Variants in UXS1 observed in about 807,000 individuals in gnomAD.
UXS1 encodes the protein UDP-glucuronate decarboxylase 1.
UXS1 carries 33 observed loss-of-function variants against 62.6 expected under a neutral mutation model. That is an observed-to-expected ratio of 0.53 (90% CI 0.40 to 0.70). UXS1 has a LOEUF of 0.70. Among genes scored for constraint, UXS1 ranks in the 30% least tolerant of loss-of-function variants. The pLI is 0.00. For synonymous variants in UXS1, 213 were observed against 206.8 expected, an observed-to-expected ratio of 1.03 and a Z score of -0.26; for missense variants, 434 against 556.3, an observed-to-expected ratio of 0.78 and a Z score of 2.21.
At chr2:106,177,341 G>A (rs1683952726) in intron 1 of UXS1, among the ~76,000 whole-genome samples, 1 of 151,722 alleles carries the variant, frequency 6.6e-6, no homozygotes, top group African/African-American at 2.4e-5. Context: ...GATTACAGTT[G>A]CGTGCTACCA....
chr2:106,111,552 G>A (rs962247108), intron 10 of UXS1, among the ~76,000 whole-genome samples: 37 of 152,174 alleles, frequency 2.4e-4, no homozygotes, highest in African/African-American at 8.9e-4. Flanking sequence ...CATGAAGAGC[G>A]GGGGCTCTGG....
chr2:106,159,667 G>A (rs572732389), intron 4 of UXS1, among the ~76,000 whole-genome samples: 5 of 152,300 alleles, frequency 3.3e-5, no homozygotes, highest in Admixed American at 2.0e-4. Flanking sequence ...TAATTGGAAA[G>A]GTGTTGTGCC....
At chr2:106,189,666 T>C (rs1381046888) in intron 1 of UXS1, among the ~76,000 whole-genome samples, 1 of 152,154 alleles carries the variant, frequency 6.6e-6, no homozygotes, top group Non-Finnish European at 1.5e-5. Context: ...TGGCGAGCAC[T>C]GACAACTAGA....
chr2:106,170,119 A>G (rs1683459092), intron 1 of UXS1, among the ~76,000 whole-genome samples: 1 of 151,480 alleles, frequency 6.6e-6, no homozygotes, highest in Non-Finnish European at 1.5e-5. Context: ...CCCCACTCAG[A>G]CCTCCACGCT....
intron 9 of UXS1, among the ~76,000 whole-genome samples, chr2:106,115,545 G>A (rs1232618579): frequency 2.0e-5 from 3 of 152,202 alleles, no homozygotes; most frequent in African/African-American, 7.2e-5. Context: ...GCATCAGGAA[G>A]GTCAAGACAA....
At chr2:106,179,855 C>A (rs1178710122) in intron 1 of UXS1, among the ~76,000 whole-genome samples, 2 of 152,178 alleles carry the variant, frequency 1.3e-5, no homozygotes, top group African/African-American at 4.8e-5. Context: ...TGCCTGTAAT[C>A]CCAGCACTTT....
chr2:106,169,239 AG>A (rs1683392981), intron 1 of UXS1, among the ~76,000 whole-genome samples: 1 of 152,206 alleles, frequency 6.6e-6, no homozygotes, highest in Non-Finnish European at 1.5e-5. Context: ...TTTTGGCTAC[AG>A]GATTAAGCTG....
At chr2:106,145,693 C>A (rs575985007) in intron 5 of UXS1, among the ~76,000 whole-genome samples, 167 of 152,212 alleles carry the variant, frequency 1.1e-3, no homozygotes, top group Non-Finnish European at 2.0e-3. Flanking sequence ...TGTTTTATAA[C>A]AAATGGGATG....
intron 6 of UXS1, among the ~76,000 whole-genome samples, chr2:106,141,123 T>A (rs1681062369): frequency 6.6e-6 from 1 of 152,192 alleles, no homozygotes; most frequent in South Asian, 2.1e-4. Flanking sequence ...GAAGACGACT[T>A]GCTAACAAGT....
intron 7 of UXS1, among the ~76,000 whole-genome samples, chr2:106,127,991 A>G (rs1209899721): frequency 1.3e-5 from 2 of 152,154 alleles, no homozygotes; most frequent in Non-Finnish European, 1.5e-5. Flanking sequence ...CCCATAGGGC[A>G]CCAAGTGCAG....
intron 1 of UXS1, among the ~76,000 whole-genome samples, chr2:106,189,919 G>A (rs1234001370): frequency 1.3e-5 from 2 of 152,196 alleles, no homozygotes; most frequent in African/African-American, 4.8e-5. Flanking sequence ...GTCAGGAAGA[G>A]GAAGTCAGGA....
At chr2:106,122,823 T>G in intron 9 of UXS1, 147 bp downstream of exon 9, 1 of 1,023,574 alleles carries the variant, frequency 9.8e-7, no homozygotes, top group Non-Finnish European at 1.4e-6. Context: ...GATAATACCA[T>G]TAATTTATAA....
chr2:106,177,178 A>G (rs1054826321), intron 1 of UXS1, among the ~76,000 whole-genome samples: 1 of 147,716 alleles, frequency 6.8e-6, no homozygotes, highest in African/African-American at 2.5e-5. Flanking sequence ...TTAAAGCTAC[A>G]TGCATTTTTT....
chr2:106,175,647 C>T (rs575984808), intron 1 of UXS1, among the ~76,000 whole-genome samples: 12 of 152,280 alleles, frequency 7.9e-5, no homozygotes, highest in Admixed American at 2.0e-4. Flanking sequence ...AACCACCATG[C>T]GTGAAGTCTG....
intron 14 of UXS1, among the ~76,000 whole-genome samples, chr2:106,096,365 G>A (rs769513528): frequency 6.6e-6 from 1 of 152,184 alleles, no homozygotes; most frequent in African/African-American, 2.4e-5. Context: ...TTGTATGACA[G>A]TGTATATATG....
chr2:106,112,500 G>C, intron 10 of UXS1, 146 bp downstream of exon 10: 2 of 1,323,940 alleles, frequency 1.5e-6, no homozygotes, highest in Non-Finnish European at 2.0e-6. Context: ...CCCCGTGCCT[G>C]CCTTCCCCTT....
At chr2:106,175,646 G>C (rs1683831644) in intron 1 of UXS1, among the ~76,000 whole-genome samples, 1 of 152,178 alleles carries the variant, frequency 6.6e-6, no homozygotes, top group African/African-American at 2.4e-5. Flanking sequence ...GAACCACCAT[G>C]CGTGAAGTCT....
intron 9 of UXS1, among the ~76,000 whole-genome samples, chr2:106,119,466 T>C (rs1183498930): frequency 5.3e-5 from 8 of 152,066 alleles, no homozygotes; most frequent in African/African-American, 1.2e-4. Context: ...TTAACTGAGA[T>C]TAAACGGACT....
rs1319158298 is a variant in UXS1, at chr2:106,194,280, G to C, written c.-39C>G. ...GCGGGTCCAGGGCCCTACCGCGCGGGGGCCCGCCTGCTGCACAATGCGCGG... is the reference window on the plus strand; with the variant it reads ...GCGGGTCCAGGGCCCTACCGCGCGGCGGCCCGCCTGCTGCACAATGCGCGG... On this transcript the variant is annotated 5_prime_UTR_variant, in exon 1 of 15. Coordinates refer to ENST00000283148, the MANE Select transcript of UXS1 (RefSeq NM_001253875.2). 2.0e-5 allele frequency: 24 copies of C among 1,205,878 alleles called. No homozygotes were observed. The highest frequency in any genetic ancestry group is 2.2e-5 in the Non-Finnish European group (21 of 952,174). The allele number at this position is 1,205,878 out of a possible 1,614,324, so 74.7% of individuals were successfully genotyped here.
Sources: allele counts gnomAD v4.1 joint callset (sites outside exome capture counted in the v4.1 genomes callset), GRCh38; gene constraint gnomAD v4.1.1; transcripts MANE v1.5; gene names NCBI Gene and HGNC (gene_info 2026-07-23, HGNC 2026-07-21).